Variants in PSD3 observed in about 807,000 individuals in gnomAD.
PSD3 encodes PH and SEC7 domain-containing protein 3.
Under a neutral mutation model 105.5 loss-of-function variants are expected in PSD3, and 49 were observed. The observed-to-expected ratio is 0.46, with a 90% CI of 0.37 to 0.59. The LOEUF (loss-of-function observed/expected upper bound fraction) is 0.59, where lower values mean the gene tolerates loss of function less well. Ranked by LOEUF, PSD3 falls within the 20% of genes least tolerant of loss-of-function variation. PSD3 has a pLI of 0.00. For missense variants in PSD3, 1,561 were observed against 1,263.8 expected, an observed-to-expected ratio of 1.24 and a Z score of -3.57; for synonymous variants, 557 against 457.8, an observed-to-expected ratio of 1.22 and a Z score of -2.77.
chr8:18,561,939 T>C (rs1489428087), intron 14 of PSD3, among the ~76,000 whole-genome samples: 2 of 152,168 alleles, frequency 1.3e-5, no homozygotes, highest in Non-Finnish European at 2.9e-5. Flanking sequence ...AATTAGCTTT[T>C]TATCTTTTTA....
intron 11 of PSD3, among the ~76,000 whole-genome samples, chr8:18,607,361 G>A (rs1804916253): frequency 6.6e-6 from 1 of 152,068 alleles, no homozygotes; most frequent in Non-Finnish European, 1.5e-5. Flanking sequence ...TACTGTTTTA[G>A]GCACTGTTCC....
intron 1 of PSD3, among the ~76,000 whole-genome samples, chr8:18,972,595 T>G (rs1824718253): frequency 6.6e-6 from 1 of 152,232 alleles, no homozygotes; most frequent in Admixed American, 6.5e-5. Context: ...AATCCCAGTA[T>G]GATGGTATCT....
At chr8:18,786,114 G>C (rs1809122901) in intron 8 of PSD3, among the ~76,000 whole-genome samples, 1 of 152,212 alleles carries the variant, frequency 6.6e-6, no homozygotes, top group Non-Finnish European at 1.5e-5. Context: ...TGAGGCAGGA[G>C]AATGACGTGA....
chr8:18,752,821 A>T (rs1805721929), intron 9 of PSD3, among the ~76,000 whole-genome samples: 2 of 148,356 alleles, frequency 1.3e-5, no homozygotes, highest in Non-Finnish European at 3.0e-5. Context: ...TGTTTTTGGG[A>T]GTGAAAGAAA....
rs1341802836 is a variant in PSD3 at position 18,743,450 on chromosome 8, T to C, written c.2172+21999A>G. Among the ~76,000 whole-genome samples the C allele has an allele frequency of 4.6e-5, 7 of 152,256 alleles. No homozygotes were observed. The East Asian group carries it at 5.8e-4, about 13-fold the overall frequency. The stretch of plus-strand genomic sequence containing the variant: ...TGCTTACATTCTTTAGTATTCTTTG[T>C]TACAATAGATAATGAGATAACAAGG... On this transcript the variant is annotated intron_variant, in intron 9 of 15. Transcript: ENST00000327040.
intron 12 of PSD3, among the ~76,000 whole-genome samples, chr8:18,583,010 T>G (rs1436211250): frequency 6.6e-6 from 1 of 152,010 alleles, no homozygotes. Flanking sequence ...GCATTTTTAG[T>G]AGAGATGGGG....
chr8:18,913,113 A>C (rs990949333), intron 2 of PSD3, among the ~76,000 whole-genome samples: 1 of 151,016 alleles, frequency 6.6e-6, no homozygotes, highest in African/African-American at 2.4e-5. Flanking sequence ...ACACACACAC[A>C]CACACACACA....
At chr8:19,053,163 G>C (rs1828589981) in intron 1 of PSD3, among the ~76,000 whole-genome samples, 1 of 152,082 alleles carries the variant, frequency 6.6e-6, no homozygotes, top group Non-Finnish European at 1.5e-5. Flanking sequence ...GAAATCCCAA[G>C]TGTTAAAGTC....
chr8:18,743,641 C>T (rs2129435246), intron 9 of PSD3, among the ~76,000 whole-genome samples: 1 of 152,008 alleles, frequency 6.6e-6, no homozygotes, highest in South Asian at 2.1e-4. Context: ...CTTCAGTATA[C>T]TTTATGCAAA....
intron 9 of PSD3, among the ~76,000 whole-genome samples, chr8:18,725,158 C>T (rs549436477): frequency 1.3e-5 from 2 of 152,162 alleles, no homozygotes; most frequent in Non-Finnish European, 2.9e-5. Flanking sequence ...CTGGAGTAAG[C>T]CTCTACTCCA....
At chr8:18,570,843 C>CTATTAT (rs57603961) in intron 14 of PSD3, among the ~76,000 whole-genome samples, 4,619 of 117,338 alleles carry the variant, frequency 0.039, 153 homozygotes, top group African/African-American at 0.084. Flanking sequence ...CTGCTTAAAA[C>CTATTAT]TATTATTATT....
At chr8:18,752,567 A>ATATATAATTATATATATTACATATAT (rs1805646957) in intron 9 of PSD3, among the ~76,000 whole-genome samples, 1 of 78,766 alleles carries the variant, frequency 1.3e-5, no homozygotes, top group African/African-American at 7.9e-5. Context: ...TATATATATT[A>ATATATAATTATATATATTACATATAT]TATATATAAT....
At chr8:18,622,458 A>C (rs1312676558) in intron 11 of PSD3, among the ~76,000 whole-genome samples, 1 of 152,228 alleles carries the variant, frequency 6.6e-6, no homozygotes, top group Admixed American at 6.5e-5. Context: ...AGAATTTAAC[A>C]AACTTAACTA....
chr8:18,656,447 A>G (rs1808900674), intron 9 of PSD3, among the ~76,000 whole-genome samples: 1 of 138,736 alleles, frequency 7.2e-6, no homozygotes, highest in Non-Finnish European at 1.6e-5. Flanking sequence ...GAAGCCAGAC[A>G]TGGAAAAGCA....
At chr8:18,766,729 C>T (rs1376004571) in intron 8 of PSD3, among the ~76,000 whole-genome samples, 2 of 152,188 alleles carry the variant, frequency 1.3e-5, no homozygotes, top group Non-Finnish European at 2.9e-5. Flanking sequence ...GTATTTATTA[C>T]TTACACTAAC....
At chr8:18,654,715 G>C (rs1808759181) in intron 10 of PSD3, among the ~76,000 whole-genome samples, 1 of 152,178 alleles carries the variant, frequency 6.6e-6, no homozygotes, top group Non-Finnish European at 1.5e-5. Context: ...CTTGGGGACT[G>C]ATAACACACA....
intron 9 of PSD3, among the ~76,000 whole-genome samples, chr8:18,666,324 T>G (rs1563155825): frequency 6.6e-6 from 1 of 152,248 alleles, no homozygotes; most frequent in Non-Finnish European, 1.5e-5. Context: ...GTTCTGTGAT[T>G]AAAGGCGTGA....
rs549528987 is a variant in PSD3, at chr8:18,604,260, G to A, written c.2411-3826C>T. Among the ~76,000 whole-genome samples the A allele has an allele frequency of 5.3e-5, 8 of 152,314 alleles. No individual in the cohort carries two copies. The East Asian group carries it at 1.4e-3, about 26-fold the overall frequency. On this transcript the variant is annotated intron_variant, in intron 11 of 15. Transcript: ENST00000327040. ...CAGATGGAAATGAGGAACTTACTGG[G>A]AACTGGAGTACAAGTCACTTTTGTT...
intron 2 of PSD3, among the ~76,000 whole-genome samples, chr8:18,873,697 C>T (rs1817540732): frequency 6.6e-6 from 1 of 152,232 alleles, no homozygotes; most frequent in Non-Finnish European, 1.5e-5. Flanking sequence ...TACCTATCTG[C>T]AATTTTGTAT....
Sources: gnomAD v4.1 joint callset for allele counts (sites outside exome capture counted in the v4.1 genomes callset) on GRCh38, gnomAD v4.1.1 for gene constraint, MANE v1.5 for transcripts, NCBI Gene and HGNC (gene_info 2026-07-23, HGNC 2026-07-21) for gene names.